ACACA: variants seen among roughly 807,000 people sequenced by gnomAD.
ACACA encodes the protein acetyl-CoA carboxylase alpha.
In ACACA, 103 loss-of-function variants were observed where a neutral mutation model predicts 296.1. The observed-to-expected ratio is 0.35, with a 90% CI of 0.30 to 0.41. The LOEUF (loss-of-function observed/expected upper bound fraction) is 0.41, where lower values mean the gene tolerates loss of function less well. ACACA is among the 10% of genes least tolerant of loss of function. ACACA has a pLI of 1.00. For synonymous variants in ACACA, 953 were observed against 1,038.6 expected (o/e 0.92, Z 1.58); for missense variants, 1,554 against 2,989.7 (o/e 0.52, Z 11.20).
rs938128899 is a variant in ACACA at position 37,291,168 on chromosome 17, AT to A, written c.339-6199del. Among the ~76,000 whole-genome samples the A allele has an allele frequency of 2.2e-4, 11 of 50,588 alleles. No homozygotes were observed. The Admixed American group carries it at 3.1e-3, about 14-fold the overall frequency. 33.2% of individuals were successfully genotyped at this position (50,588 alleles called of 152,430 possible). A position where few individuals can be genotyped will look rare whatever the true frequency, so the allele number is the denominator to read the frequency against. On this transcript the variant is annotated intron_variant, in intron 3 of 55. Coordinates refer to ENST00000616317, the MANE Select transcript of ACACA (RefSeq NM_198834.3). ...TACACACACACACACACACACACAC[AT>A]CTCATAATATTTGTTTTTGTTTTGA...
intron 3 of ACACA, among the ~76,000 whole-genome samples, chr17:37,301,172 C>G (rs545689211): frequency 1.3e-5 from 2 of 152,144 alleles, no homozygotes; most frequent in Non-Finnish European, 2.9e-5. Flanking sequence ...TTTCACCAAA[C>G]GGATCTTTCT....
At chr17:37,102,273 C>T (rs913792391) in intron 52 of ACACA, among the ~76,000 whole-genome samples, 3 of 142,488 alleles carry the variant, frequency 2.1e-5, no homozygotes, top group Non-Finnish European at 4.5e-5. Flanking sequence ...GGCACGATCT[C>T]GGCTCACTGC....
At chr17:37,276,921 A>AG (rs1491193124) in intron 7 of ACACA, 112 bp downstream of exon 7, 4 of 925,238 alleles carry the variant, frequency 4.3e-6, no homozygotes, top group Non-Finnish European at 7.2e-6. Flanking sequence ...GGGAAAAAAA[A>AG]AGAGAGAGAG....
At chr17:37,116,176 A>T (rs1441814550) in intron 50 of ACACA, among the ~76,000 whole-genome samples, 1 of 151,996 alleles carries the variant, frequency 6.6e-6, no homozygotes, top group Non-Finnish European at 1.5e-5. Context: ...TATTTTTTGT[A>T]GAGACGGGGT....
rs534001221 is a variant in ACACA, at chr17:37,297,644, T to A, written c.339-12674A>T. On this transcript the variant is annotated intron_variant, in intron 3 of 55. Transcript: ENST00000616317. ...TGCAAATTCTGCCTCCTGGGTTTGC[T>A]CGATCAAGCAATTCTCCTGCCTTGG... Among the ~76,000 whole-genome samples the A allele has an allele frequency of 1.1e-4, 17 of 151,730 alleles. No individual in the cohort carries two copies. In the East Asian group the frequency reaches 3.3e-3, roughly 30 times the overall value.
chr17:37,228,843 G>A (rs1487637204), intron 25 of ACACA, among the ~76,000 whole-genome samples: 3 of 152,048 alleles, frequency 2.0e-5, no homozygotes, highest in Admixed American at 6.6e-5. Context: ...AAGCCAACAT[G>A]ACAAAATAAG....
At chr17:37,155,850 T>C (rs1355300228) in intron 42 of ACACA, 70 bp from the exon 43 acceptor site, 6 of 1,055,062 alleles carry the variant, frequency 5.7e-6, no homozygotes, top group South Asian at 5.0e-5. Context: ...CAGCAAAGCA[T>C]ACATAATGAA....
At chr17:37,191,644 C>T (rs1250605914) in intron 37 of ACACA, among the ~76,000 whole-genome samples, 1 of 152,150 alleles carries the variant, frequency 6.6e-6, no homozygotes, top group Non-Finnish European at 1.5e-5. Context: ...ATAATGAACA[C>T]ATCAGGAAGT....
intron 5 of ACACA, among the ~76,000 whole-genome samples, chr17:37,278,539 A>T (rs962279623): frequency 6.6e-6 from 1 of 152,240 alleles, no homozygotes; most frequent in African/African-American, 2.4e-5. Flanking sequence ...AGGTATTTGT[A>T]AGAAACTTTA....
At chr17:37,397,108 A>T (rs191254257) in intron 1 of ACACA, among the ~76,000 whole-genome samples, 140 of 151,472 alleles carry the variant, frequency 9.2e-4, no homozygotes, top group Non-Finnish European at 1.7e-3. Context: ...TCATTGTTCA[A>T]TTTCCACCTA....
chr17:37,167,136 T>TG (rs1241598170), intron 41 of ACACA, among the ~76,000 whole-genome samples: 25 of 150,688 alleles, frequency 1.7e-4, no homozygotes, highest in Admixed American at 4.6e-4. Context: ...TTTTTTTTTT[T>TG]TTTTTGGTAC....
intron 54 of ACACA, among the ~76,000 whole-genome samples, chr17:37,089,566 T>A (rs2072469282): frequency 6.6e-6 from 1 of 152,116 alleles, no homozygotes; most frequent in African/African-American, 2.4e-5. Context: ...ATGGATGAAG[T>A]CTCCTGAAAT....
chr17:37,194,974 C>T (rs2077926280), intron 35 of ACACA, among the ~76,000 whole-genome samples: 1 of 151,060 alleles, frequency 6.6e-6, no homozygotes, highest in Non-Finnish European at 1.5e-5. Flanking sequence ...ATAGGACTGA[C>T]TTCAAGGTTA....
intron 19 of ACACA, among the ~76,000 whole-genome samples, chr17:37,245,510 T>A (rs1206694595): frequency 1.3e-5 from 2 of 152,212 alleles, no homozygotes; most frequent in East Asian, 3.8e-4. Context: ...AAGGAACAAT[T>A]TAATATCCTC....
At chr17:37,303,880 A>G (rs1362507709) in intron 3 of ACACA, among the ~76,000 whole-genome samples, 1 of 152,126 alleles carries the variant, frequency 6.6e-6, no homozygotes, top group Non-Finnish European at 1.5e-5. Context: ...GTGTCAAATT[A>G]TTTTCCAGAG....
chr17:37,389,507 C>T (rs2050696011), intron 1 of ACACA: 1 of 1,203,482 alleles, frequency 8.3e-7, no homozygotes, highest in Non-Finnish European at 1.1e-6. Context: ...GCCTGACCAA[C>T]ATGACGAAAC....
At chr17:37,354,338 A>C (rs2049036367) in intron 1 of ACACA, among the ~76,000 whole-genome samples, 1 of 152,232 alleles carries the variant, frequency 6.6e-6, no homozygotes, top group Non-Finnish European at 1.5e-5. Context: ...AGGGCACTGA[A>C]TAGCCCTTGC....
intron 2 of ACACA, among the ~76,000 whole-genome samples, chr17:37,330,890 T>C (rs2047845702): frequency 6.6e-6 from 1 of 152,058 alleles, no homozygotes; most frequent in Non-Finnish European, 1.5e-5. Flanking sequence ...ACACTATATA[T>C]TGAGAGGCTA....
At position 37,330,400 on chromosome 17, in the gene ACACA, T is replaced by C; in HGVS notation, c.111A>G (p.Ile37Met). 1 of 1,614,226 alleles carries C rather than the reference T, an allele frequency of 6.2e-7. No homozygotes were observed. Among genetic ancestry groups the C allele is most frequent in the Non-Finnish European group, 8.5e-7 (1 of 1,180,048 alleles). The change falls in exon 3 of 56, where the codon ATA becomes ATG. Residue 37 changes from isoleucine to methionine, a missense_variant. Physicochemically the swap from Ile to Met is conservative, Grantham distance 10 (BLOSUM62 1). Coordinates refer to ENST00000616317, the MANE Select transcript of ACACA (RefSeq NM_198834.3). The part of the protein sequence containing the change: ...IRAVRAHFGG[I>M]MDEPSPLAQP... ...GGGCCAAGGGAGATGGTTCATCCAT[T>C]ATTCCTCCAAAATGAGCTCTTACAG...
Sources: gnomAD v4.1 joint callset for allele counts (sites outside exome capture counted in the v4.1 genomes callset) on GRCh38, gnomAD v4.1.1 for gene constraint, MANE v1.5 for transcripts, NCBI Gene and HGNC (gene_info 2026-07-23, HGNC 2026-07-21) for gene names.